PTPRR: variants seen among roughly 807,000 people sequenced by gnomAD.
PTPRR encodes receptor-type tyrosine-protein phosphatase R.
Under a neutral mutation model 77.2 loss-of-function variants are expected in PTPRR, and 38 were observed. That is an observed-to-expected ratio of 0.49 (90% CI 0.38 to 0.65). PTPRR has a LOEUF of 0.65. PTPRR is among the 30% of genes least tolerant of loss of function. The pLI is 0.00. For synonymous variants in PTPRR, 299 were observed against 283.1 expected, an observed-to-expected ratio of 1.06 and a Z score of -0.57; for missense variants, 744 against 799.2, an observed-to-expected ratio of 0.93 and a Z score of 0.83.
At chr12:70,865,705 G>A (rs1358693959) in intron 2 of PTPRR, among the ~76,000 whole-genome samples, 1 of 152,136 alleles carries the variant, frequency 6.6e-6, no homozygotes, top group East Asian at 1.9e-4. Flanking sequence ...CTGAACAAAT[G>A]TCCTCTAAGA....
At chr12:70,745,426 T>C (rs1890182361) in intron 6 of PTPRR, among the ~76,000 whole-genome samples, 1 of 152,234 alleles carries the variant, frequency 6.6e-6, no homozygotes, top group Admixed American at 6.5e-5. Context: ...CCTGCCTAAC[T>C]CCAGACAACG....
intron 2 of PTPRR, among the ~76,000 whole-genome samples, chr12:70,824,912 T>C (rs1043817895): frequency 6.6e-6 from 1 of 152,248 alleles, no homozygotes; most frequent in African/African-American, 2.4e-5. Context: ...CTATTCTAAG[T>C]GCTTTACATA....
intron 2 of PTPRR, among the ~76,000 whole-genome samples, chr12:70,817,864 A>G (rs1467267953): frequency 2.0e-5 from 3 of 152,226 alleles, no homozygotes; most frequent in African/African-American, 7.2e-5. Flanking sequence ...GCTTTCTGAA[A>G]TTATCTTTTT....
chr12:70,778,219 C>G, intron 2 of PTPRR, among the ~76,000 whole-genome samples: 1 of 151,314 alleles, frequency 6.6e-6, no homozygotes, highest in East Asian at 1.9e-4. Flanking sequence ...TTTTTTTTCT[C>G]TTTGAACTCT....
intron 6 of PTPRR, among the ~76,000 whole-genome samples, chr12:70,722,357 G>T (rs531268013): frequency 9.9e-5 from 15 of 152,086 alleles, no homozygotes; most frequent in Non-Finnish European, 1.8e-4. Flanking sequence ...AACATTTCTT[G>T]TATGTTTCTC....
intron 2 of PTPRR, among the ~76,000 whole-genome samples, chr12:70,800,289 G>C (rs1891592582): frequency 6.7e-6 from 1 of 148,284 alleles, no homozygotes; most frequent in African/African-American, 2.5e-5. Flanking sequence ...TTTGTGCTGA[G>C]GTTATAGAGC....
chr12:70,848,652 G>T (rs1373252127), intron 2 of PTPRR, among the ~76,000 whole-genome samples: 1 of 152,154 alleles, frequency 6.6e-6, no homozygotes, highest in African/African-American at 2.4e-5. Context: ...GTAATGATCA[G>T]ATTAGAGAAT....
chr12:70,879,955 T>C (rs1263290377), intron 2 of PTPRR, among the ~76,000 whole-genome samples: 1 of 152,208 alleles, frequency 6.6e-6, no homozygotes, highest in Non-Finnish European at 1.5e-5. Flanking sequence ...AAGGTCTCTG[T>C]ATTTGTTAGA....
intron 2 of PTPRR, among the ~76,000 whole-genome samples, chr12:70,777,781 C>T (rs1212149162): frequency 1.3e-5 from 2 of 152,180 alleles, no homozygotes; most frequent in African/African-American, 2.4e-5. Flanking sequence ...GACATCTGAG[C>T]CCCCAGATCA....
intron 2 of PTPRR, among the ~76,000 whole-genome samples, chr12:70,864,895 T>C (rs1892815048): frequency 6.6e-6 from 1 of 152,192 alleles, no homozygotes. Context: ...CACTGCAACC[T>C]CCACTTCCCG....
intron 12 of PTPRR, among the ~76,000 whole-genome samples, chr12:70,658,008 C>T (rs1282779952): frequency 6.6e-6 from 1 of 152,168 alleles, no homozygotes; most frequent in African/African-American, 2.4e-5. Context: ...ATATCATTCC[C>T]TACTCAAAAC....
At chr12:70,907,830 G>A (rs1007281339) in intron 1 of PTPRR, among the ~76,000 whole-genome samples, 7 of 152,092 alleles carry the variant, frequency 4.6e-5, no homozygotes, top group Non-Finnish European at 1.0e-4. Flanking sequence ...AGGAGTGAAT[G>A]CTACTATATG....
intron 6 of PTPRR, among the ~76,000 whole-genome samples, chr12:70,727,729 A>T (rs1328907482): frequency 6.6e-6 from 1 of 152,232 alleles, no homozygotes; most frequent in Non-Finnish European, 1.5e-5. Flanking sequence ...AGAGTCTCAT[A>T]GAAAAATGCA....
At chr12:70,826,544 C>T (rs996973289) in intron 2 of PTPRR, among the ~76,000 whole-genome samples, 27 of 152,198 alleles carry the variant, frequency 1.8e-4, no homozygotes, top group Admixed American at 1.3e-3. Context: ...AGGATGCATA[C>T]AGCTAGGCAC....
intron 2 of PTPRR, among the ~76,000 whole-genome samples, chr12:70,820,548 T>C (rs1363966781): frequency 6.6e-6 from 1 of 152,160 alleles, no homozygotes; most frequent in Non-Finnish European, 1.5e-5. Flanking sequence ...TTAGCCAGGG[T>C]GGTCTCGATC....
intron 2 of PTPRR, among the ~76,000 whole-genome samples, chr12:70,766,973 T>C (rs1222547399): frequency 6.6e-6 from 1 of 152,064 alleles, no homozygotes; most frequent in Non-Finnish European, 1.5e-5. Context: ...CTGAGAGATT[T>C]TGTCACCACC....
intron 2 of PTPRR, among the ~76,000 whole-genome samples, chr12:70,867,327 GC>G (rs1892871572): frequency 6.6e-6 from 1 of 151,310 alleles, no homozygotes; most frequent in African/African-American, 2.4e-5. Flanking sequence ...AAGCTGATAA[GC>G]AACTTCAGCA....
At chr12:70,785,209 TTTC>T (rs1891296801) in intron 2 of PTPRR, among the ~76,000 whole-genome samples, 1 of 152,188 alleles carries the variant, frequency 6.6e-6, no homozygotes. Context: ...TCATCTTTCT[TTTC>T]TTCATTTTTA....
intron 2 of PTPRR, among the ~76,000 whole-genome samples, chr12:70,882,165 A>C (rs1198757235): frequency 6.6e-6 from 1 of 152,222 alleles, no homozygotes; most frequent in Non-Finnish European, 1.5e-5. Flanking sequence ...AGCAAATTGA[A>C]ATCTAATCCT....
Sources: allele counts gnomAD v4.1 joint callset (sites outside exome capture counted in the v4.1 genomes callset), GRCh38; gene constraint gnomAD v4.1.1; transcripts MANE v1.5; gene names NCBI Gene and HGNC (gene_info 2026-07-23, HGNC 2026-07-21).